Variants in ST6GALNAC3 observed in about 807,000 individuals in gnomAD.
ST6GALNAC3 encodes alpha-N-acetylgalactosaminide alpha-2,6-sialyltransferase 3.
In ST6GALNAC3, 25 loss-of-function variants were observed where a neutral mutation model predicts 32.7. The observed-to-expected ratio is 0.76, with a 90% CI of 0.56 to 1.07. ST6GALNAC3 has a LOEUF of 1.07. ST6GALNAC3 is among the 50% of genes least tolerant of loss of function. The pLI is 0.00. For missense variants in ST6GALNAC3, 355 were observed against 382.4 expected, an observed-to-expected ratio of 0.93 and a Z score of 0.60; for synonymous variants, 129 against 133.1, an observed-to-expected ratio of 0.97 and a Z score of 0.21.
chr1:76,512,734 C>A (rs1661943199), intron 3 of ST6GALNAC3, among the ~76,000 whole-genome samples: 1 of 152,138 alleles, frequency 6.6e-6, no homozygotes, highest in Non-Finnish European at 1.5e-5. Flanking sequence ...TTGCTCCTCT[C>A]CCTAATCTCT....
At chr1:76,425,716 G>A (rs1446647485) in intron 3 of ST6GALNAC3, among the ~76,000 whole-genome samples, 5 of 151,948 alleles carry the variant, frequency 3.3e-5, no homozygotes, top group Non-Finnish European at 7.4e-5. Flanking sequence ...ACCTTGCCGA[G>A]AGAGACCAAA....
At chr1:76,400,836 A>G (rs1571104575) in intron 2 of ST6GALNAC3, among the ~76,000 whole-genome samples, 2 of 152,140 alleles carry the variant, frequency 1.3e-5, no homozygotes, top group African/African-American at 4.8e-5. Context: ...CAGAGGCTGC[A>G]GTGAGCTGAG....
chr1:76,327,866 A>C (rs906452528), intron 2 of ST6GALNAC3, among the ~76,000 whole-genome samples: 1 of 152,204 alleles, frequency 6.6e-6, no homozygotes, highest in African/African-American at 2.4e-5. Flanking sequence ...TTGGGATTAC[A>C]GGCGTGAACC....
At chr1:76,405,025 T>C (rs1653719353) in intron 2 of ST6GALNAC3, among the ~76,000 whole-genome samples, 1 of 152,166 alleles carries the variant, frequency 6.6e-6, no homozygotes, top group Non-Finnish European at 1.5e-5. Flanking sequence ...AGAAATTCAT[T>C]TTCCGGATGG....
At chr1:76,138,262 C>T (rs1193517325) in intron 1 of ST6GALNAC3, among the ~76,000 whole-genome samples, 1 of 152,084 alleles carries the variant, frequency 6.6e-6, no homozygotes, top group Non-Finnish European at 1.5e-5. Flanking sequence ...ACATCTGGTC[C>T]TTTACAAAGA....
intron 1 of ST6GALNAC3, among the ~76,000 whole-genome samples, chr1:76,112,231 GCCGGGCGGGGGGCTGA>G (rs1442769557): frequency 7.0e-6 from 1 of 142,124 alleles, no homozygotes; most frequent in Non-Finnish European, 1.5e-5. Flanking sequence ...GGGGCGGCTG[GCCGGGCGGGGGGCTGA>G]CCCCCCCACC....
intron 1 of ST6GALNAC3, among the ~76,000 whole-genome samples, chr1:76,154,832 G>A (rs891243102): frequency 1.3e-5 from 2 of 152,090 alleles, no homozygotes; most frequent in African/African-American, 4.8e-5. Context: ...TATTTCACCA[G>A]CTCAATACAC....
Position 76,631,048 on chromosome 1 carries a change from CT to C in ST6GALNAC3, c.*2244del. 1.0e-6 allele frequency: 1 copy of C among 985,180 alleles called. No individual in the cohort carries two copies. The highest frequency in any genetic ancestry group is 1.2e-6 in the Non-Finnish European group (1 of 829,602). The allele number at this position is 985,180 out of a possible 1,614,324, so 61.0% of individuals were successfully genotyped here. On this transcript the variant is annotated 3_prime_UTR_variant, in exon 5 of 5. Coordinates refer to ENST00000328299, the MANE Select transcript of ST6GALNAC3 (RefSeq NM_152996.4). The stretch of plus-strand genomic sequence containing the variant: ...CCTACTGATGAGAAACATTTGAAAA[CT>C]TGCTTGCTCTCCTGCCTCGTTGTAG...
At chr1:76,431,779 C>T (rs188211373) in intron 3 of ST6GALNAC3, among the ~76,000 whole-genome samples, 5 of 152,146 alleles carry the variant, frequency 3.3e-5, no homozygotes, top group Admixed American at 1.3e-4. Flanking sequence ...TATTAACATC[C>T]CCCCCGCCCA....
intron 3 of ST6GALNAC3, among the ~76,000 whole-genome samples, chr1:76,564,787 G>T (rs191662735): frequency 2.6e-5 from 4 of 151,862 alleles, no homozygotes; most frequent in African/African-American, 7.3e-5. Context: ...GGGTTTCACC[G>T]TTAGCCAGGA....
intron 3 of ST6GALNAC3, among the ~76,000 whole-genome samples, chr1:76,565,293 C>T (rs1037335030): frequency 6.6e-6 from 1 of 152,088 alleles, no homozygotes; most frequent in African/African-American, 2.4e-5. Context: ...ACCACACAGG[C>T]GTTAAAGATT....
At chr1:76,143,228 C>CT (rs1380777362) in intron 1 of ST6GALNAC3, among the ~76,000 whole-genome samples, 1 of 152,174 alleles carries the variant, frequency 6.6e-6, no homozygotes, top group East Asian at 1.9e-4. Context: ...TTGCCACTAA[C>CT]TTGTCTTCTG....
chr1:76,562,526 C>T (rs540594053), intron 3 of ST6GALNAC3, among the ~76,000 whole-genome samples: 203 of 152,262 alleles, frequency 1.3e-3, no homozygotes, highest in African/African-American at 4.6e-3. Flanking sequence ...CCCACTTGAG[C>T]GCTACTGTCT....
At chr1:76,472,694 G>A (rs1659109979) in intron 3 of ST6GALNAC3, among the ~76,000 whole-genome samples, 1 of 152,082 alleles carries the variant, frequency 6.6e-6, no homozygotes, top group Admixed American at 6.6e-5. Flanking sequence ...AGTTCACGTG[G>A]ATAAGATGCT....
rs1022539303 is a variant in ST6GALNAC3 at position 76,150,666 on chromosome 1, G to A, written c.18+75782G>A. 1.9e-3 allele frequency among the ~76,000 whole-genome samples: 227 copies of A among 120,134 alleles called. 1 individual carries two copies. The highest frequency in any genetic ancestry group is 6.7e-3 in the African/African-American group (214 of 32,142). The allele number at this position is 120,134 out of a possible 152,430, so 78.8% of individuals were successfully genotyped here. A position where few individuals can be genotyped will look rare whatever the true frequency, so the allele number is the denominator to read the frequency against. ...CAGTGGTAGGATTCTGTGAAACGTT[G>A]TCAGATGTGTGAGTGTGCAGATTGA... is the stretch of plus-strand genomic sequence containing the variant. On this transcript the variant is annotated intron_variant, in intron 1 of 4. Coordinates refer to ENST00000328299, the MANE Select transcript of ST6GALNAC3 (RefSeq NM_152996.4).
chr1:76,535,724 C>G (rs1432111696), intron 3 of ST6GALNAC3, among the ~76,000 whole-genome samples: 1 of 152,052 alleles, frequency 6.6e-6, no homozygotes, highest in African/African-American at 2.4e-5. Context: ...TTTCTCTTAT[C>G]CTCAGGGAAG....
intron 3 of ST6GALNAC3, chr1:76,576,754 A>G (rs1646815595): frequency 2.0e-6 from 2 of 1,014,924 alleles, no homozygotes; most frequent in Admixed American, 2.3e-5. Context: ...CAGTAGGTAT[A>G]AGGAATGAGG....
At chr1:76,328,156 CAT>C (rs1435708336) in intron 2 of ST6GALNAC3, among the ~76,000 whole-genome samples, 1 of 152,148 alleles carries the variant, frequency 6.6e-6, no homozygotes, top group Non-Finnish European at 1.5e-5. Flanking sequence ...AGGTTTTAGT[CAT>C]ATAATCAATT....
At chr1:76,316,859 A>G (rs1224573207) in intron 2 of ST6GALNAC3, among the ~76,000 whole-genome samples, 1 of 152,192 alleles carries the variant, frequency 6.6e-6, no homozygotes, top group Non-Finnish European at 1.5e-5. Context: ...AAGGAATCAT[A>G]CAAAACAATT....
Sources: allele counts gnomAD v4.1 joint callset (sites outside exome capture counted in the v4.1 genomes callset), GRCh38; gene constraint gnomAD v4.1.1; transcripts MANE v1.5; gene names NCBI Gene and HGNC (gene_info 2026-07-23, HGNC 2026-07-21).